The following SQOR variants were observed in gnomAD, a reference collection of about 807,000 sequenced individuals.
The protein encoded by SQOR is sulfide:quinone oxidoreductase, mitochondrial.
Under a neutral mutation model 48.6 loss-of-function variants are expected in SQOR, and 39 were observed. The observed-to-expected ratio is 0.80, with a 90% CI of 0.62 to 1.05. The LOEUF (loss-of-function observed/expected upper bound fraction) is 1.05, where lower values mean the gene tolerates loss of function less well. Among genes scored for constraint, SQOR ranks in the 50% least tolerant of loss-of-function variants. The pLI is 0.00. For synonymous variants in SQOR, 220 were observed against 206.2 expected, an observed-to-expected ratio of 1.07 and a Z score of -0.57; for missense variants, 561 against 559.9, an observed-to-expected ratio of 1.00 and a Z score of -0.02.
rs145274796 is a variant in SQOR, at chr15:45,675,394, T to A, written c.655-707T>A. Among the ~76,000 whole-genome samples, 270 of 145,406 alleles carry A rather than the reference T, an allele frequency of 1.9e-3. 1 individual carries two copies. Among genetic ancestry groups the A allele is most frequent in the African/African-American group, 6.5e-3 (265 of 40,754 alleles). On this transcript the variant is annotated intron_variant, in intron 5 of 9. Transcript: ENST00000260324. ...GTTTTGTTGTTACTGTTTTTTAGTT[T>A]GTTTATTTTTTTTTTTTGGAGACAG...
At position 45,682,629 on chromosome 15, in the gene SQOR, A is replaced by G. The variant is rs1247487343; in HGVS notation, c.1016A>G (p.Asn339Ser). The G allele has an allele frequency of 1.9e-6, 3 of 1,613,892 alleles. No homozygotes were observed. Among genetic ancestry groups the G allele is most frequent in the Non-Finnish European group, 2.5e-6 (3 of 1,179,952 alleles). The change falls in exon 7 of 10, where the codon AAC becomes AGC. Residue 339 changes from asparagine (N) to serine (S), a missense_variant. Physicochemically the swap from Asn to Ser is conservative, Grantham distance 46. Coordinates refer to ENST00000260324, the MANE Select transcript of SQOR (RefSeq NM_021199.4). ...PNVFGIGDCT[N>S]LPTSKTAAAV... The stretch of plus-strand genomic sequence containing the variant: ...GTGTTTGGGATTGGGGACTGCACCA[A>G]CCTTCCTACGTCAAAGACCGCTGCT...
At chr15:45,670,349 T>C (rs1889916426) in intron 4 of SQOR, among the ~76,000 whole-genome samples, 1 of 152,194 alleles carries the variant, frequency 6.6e-6, no homozygotes, top group African/African-American at 2.4e-5. Flanking sequence ...TTATAAATTT[T>C]AAAGCAGACT....
intron 2 of SQOR, among the ~76,000 whole-genome samples, chr15:45,661,553 C>T (rs1889721106): frequency 6.6e-6 from 1 of 152,134 alleles, no homozygotes; most frequent in Non-Finnish European, 1.5e-5. Context: ...ACCACTGTCT[C>T]CACATGCTCC....
intron 1 of SQOR, among the ~76,000 whole-genome samples, chr15:45,644,287 T>C (rs1032899562): frequency 1.3e-5 from 2 of 152,174 alleles, no homozygotes; most frequent in African/African-American, 4.8e-5. Flanking sequence ...GGTTTCACCA[T>C]GTTGGCCAGG....
At chr15:45,659,233 G>C in intron 2 of SQOR, 76 bp downstream of exon 2, 1 of 1,256,260 alleles carries the variant, frequency 8.0e-7, no homozygotes, top group Non-Finnish European at 1.1e-6. Context: ...TGTGTGTTCT[G>C]GGGTTGGATA....
At chr15:45,649,403 C>T (rs914003135) in intron 1 of SQOR, among the ~76,000 whole-genome samples, 1 of 152,226 alleles carries the variant, frequency 6.6e-6, no homozygotes, top group Non-Finnish European at 1.5e-5. Context: ...AAGCATAATA[C>T]TATTTGATTA....
chr15:45,633,166 T>C (rs1352457454), upstream of SQOR, among the ~76,000 whole-genome samples: 1 of 151,724 alleles, frequency 6.6e-6, no homozygotes, highest in East Asian at 1.9e-4. Context: ...CCCAATTAAC[T>C]GTCCAGAGTC....
intron 7 of SQOR, among the ~76,000 whole-genome samples, chr15:45,683,677 T>C (rs1289137786): frequency 6.6e-6 from 1 of 152,144 alleles, no homozygotes; most frequent in African/African-American, 2.4e-5. Context: ...AGTGTCTTTT[T>C]CATTATTAAT....
chr15:45,673,474 G>C (rs1889977732), intron 4 of SQOR, 133 bp from the exon 5 acceptor site: 1 of 973,640 alleles, frequency 1.0e-6, no homozygotes, highest in Non-Finnish European at 1.5e-6. Context: ...CCACCTGCCT[G>C]CTCTAGGCAT....
intron 5 of SQOR, among the ~76,000 whole-genome samples, chr15:45,675,117 C>T (rs1890013623): frequency 6.6e-6 from 1 of 152,150 alleles, no homozygotes; most frequent in African/African-American, 2.4e-5. Context: ...CACCTGAATT[C>T]TTCAAATGGT....
intron 1 of SQOR, among the ~76,000 whole-genome samples, chr15:45,652,505 G>T (rs1255134705): frequency 2.6e-5 from 4 of 152,126 alleles, no homozygotes; most frequent in African/African-American, 9.6e-5. Flanking sequence ...GGCAGGTCCG[G>T]CTACTTTTTT....
intron 1 of SQOR, among the ~76,000 whole-genome samples, chr15:45,640,128 T>C (rs1473298909): frequency 6.6e-6 from 1 of 152,154 alleles, no homozygotes; most frequent in Non-Finnish European, 1.5e-5. Context: ...AGAGGAATGG[T>C]TTCCATTCTA....
At chr15:45,645,601 G>C (rs1895190535) in intron 1 of SQOR, among the ~76,000 whole-genome samples, 1 of 152,198 alleles carries the variant, frequency 6.6e-6, no homozygotes, top group Non-Finnish European at 1.5e-5. Context: ...GAGTGTCTTG[G>C]AGCTGGGATA....
intron 3 of SQOR, among the ~76,000 whole-genome samples, chr15:45,665,584 CTTTT>C (rs1416571890): frequency 1.1e-4 from 15 of 140,168 alleles, no homozygotes; most frequent in Non-Finnish European, 1.9e-4. Context: ...TCCATTCTGT[CTTTT>C]TTTTTTTTTT....
chr15:45,650,538 G>C (rs1378490072), intron 1 of SQOR, among the ~76,000 whole-genome samples: 1 of 152,108 alleles, frequency 6.6e-6, no homozygotes, highest in Non-Finnish European at 1.5e-5. Context: ...AGCAAAAGAA[G>C]AAAGCATCCA....
At chr15:45,649,052 GC>G (rs1306451635) in intron 1 of SQOR, among the ~76,000 whole-genome samples, 2 of 152,242 alleles carry the variant, frequency 1.3e-5, no homozygotes, top group African/African-American at 4.8e-5. Context: ...AGTAATTCTT[GC>G]TTAGCCAGCA....
At chr15:45,638,021 T>C (rs544584382) in intron 1 of SQOR, among the ~76,000 whole-genome samples, 3 of 152,306 alleles carry the variant, frequency 2.0e-5, no homozygotes, top group East Asian at 3.9e-4. Flanking sequence ...TTAAAAATCT[T>C]TGTAATCCCC....
intron 3 of SQOR, among the ~76,000 whole-genome samples, chr15:45,662,911 C>G (rs912473536): frequency 2.6e-5 from 4 of 152,210 alleles, no homozygotes; most frequent in African/African-American, 9.7e-5. Flanking sequence ...GCCCCTTCCC[C>G]CTTCAACTGG....
chr15:45,651,666 G>T (rs1219463766), intron 1 of SQOR, among the ~76,000 whole-genome samples: 1 of 152,118 alleles, frequency 6.6e-6, no homozygotes, highest in African/African-American at 2.4e-5. Flanking sequence ...TGGGGTTTTG[G>T]CATCTTGGCT....
Sources: allele counts gnomAD v4.1 joint callset (sites outside exome capture counted in the v4.1 genomes callset), GRCh38; gene constraint gnomAD v4.1.1; transcripts MANE v1.5; gene names NCBI Gene and HGNC (gene_info 2026-07-23, HGNC 2026-07-21).